Variants in PCDH15 observed in about 807,000 individuals in gnomAD.
PCDH15 encodes protocadherin-15.
Under a neutral mutation model 178.5 loss-of-function variants are expected in PCDH15, and 129 were observed. The observed-to-expected ratio is 0.72, with a 90% confidence interval of 0.63 to 0.84. PCDH15 has a LOEUF of 0.84. Ranked by LOEUF, PCDH15 falls within the 40% of genes least tolerant of loss-of-function variation. The pLI is 0.00. For synonymous variants in PCDH15, 800 were observed against 732.0 expected (o/e 1.09, Z -1.50); for missense variants, 2,230 against 2,099.9 (o/e 1.06, Z -1.21).
intron 18 of PCDH15, among the ~76,000 whole-genome samples, chr10:54,049,583 A>G (rs1172116533): frequency 2.0e-5 from 3 of 150,874 alleles, no homozygotes; most frequent in African/African-American, 7.3e-5. Flanking sequence ...ATGAGGAAAT[A>G]TTGGATTTTA....
At chr10:55,539,122 T>A (rs1048794188) in intron 2 of PCDH15, among the ~76,000 whole-genome samples, 1 of 151,294 alleles carries the variant, frequency 6.6e-6, no homozygotes, top group African/African-American at 2.4e-5. Flanking sequence ...TTCTAATGTG[T>A]GTACTATTAT....
chr10:54,540,766 A>G (rs2132957404), intron 2 of PCDH15, among the ~76,000 whole-genome samples: 1 of 152,250 alleles, frequency 6.6e-6, no homozygotes, highest in Admixed American at 6.5e-5. Flanking sequence ...TCAACAAAAT[A>G]CTTTCAAACC....
intron 2 of PCDH15, among the ~76,000 whole-genome samples, chr10:54,608,389 T>C (rs2092841472): frequency 6.6e-6 from 1 of 151,870 alleles, no homozygotes; most frequent in African/African-American, 2.4e-5. Flanking sequence ...GGAGAAACGC[T>C]TCAACTCGGG....
intron 3 of PCDH15, among the ~76,000 whole-genome samples, chr10:54,850,159 T>A (rs1410018811): frequency 6.6e-6 from 1 of 152,224 alleles, no homozygotes; most frequent in Non-Finnish European, 1.5e-5. Flanking sequence ...TTTTAGTGAC[T>A]TTTAATAATA....
rs553848758 is a variant in PCDH15, at chr10:55,620,705, T to C, written c.-156+6920A>G. 2.1e-4 allele frequency among the ~76,000 whole-genome samples: 32 copies of C among 151,880 alleles called. No individual in the cohort carries two copies. In the South Asian group the frequency reaches 6.7e-3, roughly 32 times the overall value. ...TAAGACAATTAAAAATATGAAGTAC[T>C]AGGTTTTCAAGTATATTGCAAAGCC... On this transcript the variant is annotated intron_variant, in intron 2 of 5. Transcript: ENST00000613346.
chr10:54,436,026 G>GAAA (rs768623263), intron 3 of PCDH15, among the ~76,000 whole-genome samples: 18 of 107,408 alleles, frequency 1.7e-4, no homozygotes, highest in African/African-American at 8.0e-4. Context: ...GGAGAGGAGA[G>GAAA]GAGAGGAGAG....
At chr10:53,812,214 T>C (rs2075891597) in intron 35 of PCDH15, among the ~76,000 whole-genome samples, 1 of 152,162 alleles carries the variant, frequency 6.6e-6, no homozygotes, top group Non-Finnish European at 1.5e-5. Flanking sequence ...TGTTTGTCTG[T>C]TTTGTTTTTT....
intron 23 of PCDH15, among the ~76,000 whole-genome samples, chr10:53,954,009 C>T (rs2087361156): frequency 6.6e-6 from 1 of 152,162 alleles, no homozygotes; most frequent in Admixed American, 6.6e-5. Flanking sequence ...CCAGGATGGT[C>T]TCAATCTCCT....
In PCDH15 at chr10:54,221,858, C is replaced by T. The variant is rs139772385; in HGVS notation, c.986-7810G>A. ...CCTCAGGTGATCCACTGGCCTCGGC[C>T]TCCCAATGTGCTGGGATTACAGGCA... On this transcript the variant is annotated intron_variant, in intron 9 of 37. Coordinates refer to ENST00000644397, the MANE Select transcript of PCDH15 (RefSeq NM_001384140.1). 3.8e-3 allele frequency among the ~76,000 whole-genome samples: 578 copies of T among 152,312 alleles called. 5 individuals carry two copies. Among genetic ancestry groups the T allele is most frequent in the African/African-American group, 0.013 (538 of 41,562 alleles).
chr10:55,388,945 TTCCTTCTCTGAATGATAATTGTGGGA>T, intron 2 of PCDH15, among the ~76,000 whole-genome samples: 1 of 152,090 alleles, frequency 6.6e-6, no homozygotes, highest in East Asian at 1.9e-4. Context: ...CAGATATGAG[TTCCTTCTCTGAATGATAATTGTGGGA>T]AATCACCTCA....
intron 2 of PCDH15, among the ~76,000 whole-genome samples, chr10:55,338,909 C>A (rs911874811): frequency 6.6e-6 from 1 of 151,978 alleles, no homozygotes; most frequent in Non-Finnish European, 1.5e-5. Context: ...TTCTTATTCA[C>A]ATGTGAAAGC....
At chr10:55,125,063 AG>A (rs1404704809) in intron 2 of PCDH15, among the ~76,000 whole-genome samples, 1 of 152,130 alleles carries the variant, frequency 6.6e-6, no homozygotes, top group African/African-American at 2.4e-5. Context: ...GACTAAATTT[AG>A]GCATATCTAG....
chr10:55,377,188 C>T (rs1837413971), intron 2 of PCDH15, among the ~76,000 whole-genome samples: 6 of 149,420 alleles, frequency 4.0e-5, no homozygotes, highest in Admixed American at 3.4e-4. Context: ...ACTGGAAGTA[C>T]TGTCACCAGG....
At chr10:54,551,062 G>A (rs1221828538) in intron 2 of PCDH15, among the ~76,000 whole-genome samples, 1 of 143,772 alleles carries the variant, frequency 7.0e-6, no homozygotes, top group African/African-American at 2.6e-5. Context: ...GGACGAGGCA[G>A]GAGAATCTCC....
intron 2 of PCDH15, among the ~76,000 whole-genome samples, chr10:55,332,375 C>G (rs554647188): frequency 6.6e-6 from 1 of 152,202 alleles, no homozygotes; most frequent in African/African-American, 2.4e-5. Flanking sequence ...TGATTGTGAA[C>G]TGGAAGAGGT....
intron 4 of PCDH15, among the ~76,000 whole-genome samples, chr10:54,376,726 A>G (rs1948497511): frequency 6.6e-6 from 1 of 151,956 alleles, no homozygotes; most frequent in African/African-American, 2.4e-5. Flanking sequence ...ATTTTATTTC[A>G]GACATTACAA....
chr10:55,127,588 T>A (rs1032026663), intron 2 of PCDH15, among the ~76,000 whole-genome samples: 8 of 152,120 alleles, frequency 5.3e-5, no homozygotes, highest in Admixed American at 4.6e-4. Flanking sequence ...CTTTCTCATT[T>A]CTCTGCAGTC....
intron 18 of PCDH15, among the ~76,000 whole-genome samples, chr10:54,040,614 C>T (rs1348786522): frequency 6.6e-6 from 1 of 151,892 alleles, no homozygotes; most frequent in Non-Finnish European, 1.5e-5. Context: ...TGCTAATGTA[C>T]TGCCACATGC....
intron 35 of PCDH15, among the ~76,000 whole-genome samples, chr10:53,812,495 G>A (rs988310029): frequency 1.3e-5 from 2 of 152,036 alleles, no homozygotes; most frequent in African/African-American, 2.4e-5. Flanking sequence ...TTACAGGCGT[G>A]AGCCACTGTG....
Sources: allele counts gnomAD v4.1 joint callset (sites outside exome capture counted in the v4.1 genomes callset), GRCh38; gene constraint gnomAD v4.1.1; transcripts MANE v1.5; gene names NCBI Gene and HGNC (gene_info 2026-07-23, HGNC 2026-07-21).